KAT2B: variants seen among roughly 807,000 people sequenced by gnomAD.
KAT2B encodes lysine acetyltransferase 2B, also known as histone acetyltransferase KAT2B.
A neutral mutation model predicts 105.9 loss-of-function variants in KAT2B; 36 were observed. The ratio of observed to expected loss-of-function variants is 0.34; its 90% CI spans 0.26 to 0.45. The LOEUF is 0.45. Ranked by LOEUF, KAT2B falls within the 20% of genes least tolerant of loss-of-function variation. The pLI is 1.00. For synonymous variants in KAT2B, 397 were observed against 377.9 expected (o/e 1.05, Z -0.59); for missense variants, 820 against 1,021.6 (o/e 0.80, Z 2.69).
At chr3:20,077,647 TATTATTAAA>T (rs1158052197) in intron 2 of KAT2B, among the ~76,000 whole-genome samples, 2 of 152,254 alleles carry the variant, frequency 1.3e-5, no homozygotes. Flanking sequence ...TGGGTTAATG[TATTATTAAA>T]ATTATTTCTA....
chr3:20,088,498 A>G (rs937757421), intron 2 of KAT2B, among the ~76,000 whole-genome samples: 1 of 152,224 alleles, frequency 6.6e-6, no homozygotes, highest in Non-Finnish European at 1.5e-5. Context: ...TTCTCTGATT[A>G]GTGATGTTGA....
intron 6 of KAT2B, 132 bp downstream of exon 6, chr3:20,111,919 C>T: frequency 2.9e-6 from 2 of 698,144 alleles, no homozygotes; most frequent in South Asian, 3.9e-5. Context: ...GAGAAAAGAC[C>T]CTCAGTTCCC....
At chr3:20,065,021 G>A (rs1446685477) in intron 1 of KAT2B, among the ~76,000 whole-genome samples, 1 of 152,176 alleles carries the variant, frequency 6.6e-6, no homozygotes, top group South Asian at 2.1e-4. Flanking sequence ...AATCTGGGTT[G>A]TGACTACTTG....
At chr3:20,057,589 T>C (rs908706622) in intron 1 of KAT2B, among the ~76,000 whole-genome samples, 1 of 152,226 alleles carries the variant, frequency 6.6e-6, no homozygotes, top group African/African-American at 2.4e-5. Flanking sequence ...CTCTGGCATT[T>C]TGACAGATAA....
In KAT2B at chr3:20,140,390, C is replaced by T. The variant is rs182477373; in HGVS notation, c.2004+26C>T. ...GTAAGCAGGTGGTTGACTCCCTTAC[C>T]TTCTGTACAGGCCAGTCTTAGCTGG... On this transcript the variant is annotated intron_variant, in intron 13 of 17. Transcript: ENST00000263754. 9.2e-5 allele frequency: 148 copies of T among 1,612,154 alleles called. No homozygotes were observed. The African/African-American group carries it at 1.8e-3, about 19-fold the overall frequency.
intron 1 of KAT2B, among the ~76,000 whole-genome samples, chr3:20,064,633 T>G (rs568665407): frequency 6.6e-6 from 1 of 152,264 alleles, no homozygotes; most frequent in South Asian, 2.1e-4. Flanking sequence ...ATCTGCAGGG[T>G]AGAATGAGTA....
At position 20,129,968 on chromosome 3, in the gene KAT2B, T is replaced by A. The variant is rs547247124; in HGVS notation, c.1749+2419T>A. Among the ~76,000 whole-genome samples, 342 of 148,876 alleles carry A rather than the reference T, an allele frequency of 2.3e-3. 1 individual carries two copies. Among genetic ancestry groups the A allele is most frequent in the African/African-American group, 7.3e-3 (298 of 40,872 alleles). The stretch of plus-strand genomic sequence containing the variant: ...CTCTCTGGTCACAGTACCCATTTTT[T>A]AAAATTATTATTATTATTATTATTA... On this transcript the variant is annotated intron_variant, in intron 11 of 17. Transcript: ENST00000263754.
chr3:20,108,179 G>T (rs1477780887), intron 5 of KAT2B, among the ~76,000 whole-genome samples: 1 of 152,126 alleles, frequency 6.6e-6, no homozygotes, highest in Admixed American at 6.6e-5. Context: ...ACTAAATGGA[G>T]TCCTACTAGA....
rs1398997308 is a variant in KAT2B at position 20,153,892 on chromosome 3, G to A, written c.*1367G>A. 2.0e-5 allele frequency: 3 copies of A among 152,404 alleles called. No homozygotes were observed. Among genetic ancestry groups the A allele is most frequent in the Non-Finnish European group, 4.4e-5 (3 of 68,022 alleles). The allele number at this position is 152,404 out of a possible 1,614,324, so 9.4% of individuals were successfully genotyped here. A position where few individuals can be genotyped will look rare whatever the true frequency, so the allele number is the denominator to read the frequency against. Reference sequence around the variant, plus strand: ...GAATAGTCATTAAAAACAGTTGCCAGTGATAATCTGCATGAAGGAAAAAGA... The same window carrying A: ...GAATAGTCATTAAAAACAGTTGCCAATGATAATCTGCATGAAGGAAAAAGA... On this transcript the variant is annotated 3_prime_UTR_variant, in exon 18 of 18. Coordinates refer to ENST00000263754, the MANE Select transcript of KAT2B (RefSeq NM_003884.5).
At chr3:20,065,027 A>G (rs1048672797) in intron 1 of KAT2B, among the ~76,000 whole-genome samples, 15 of 152,078 alleles carry the variant, frequency 9.9e-5, no homozygotes, top group Admixed American at 6.6e-4. Context: ...GGTTGTGACT[A>G]CTTGTTTATC....
rs569077645 is a variant in KAT2B, at chr3:20,147,102, A to G, written c.2119+672A>G. On this transcript the variant is annotated intron_variant, in intron 14 of 17. Transcript: ENST00000263754. Reference sequence around the variant, plus strand: ...CAAAAGCCATTGAATATCATTGGCAATTTTGTTCAGTTCAAATCCAGGTTC... The same window carrying G: ...CAAAAGCCATTGAATATCATTGGCAGTTTTGTTCAGTTCAAATCCAGGTTC... Among the ~76,000 whole-genome samples the G allele has an allele frequency of 2.6e-3, 399 of 152,322 alleles. 4 individuals are homozygous for G. The highest frequency in any genetic ancestry group is 1.0e-3 in the Non-Finnish European group (69 of 68,020).
At chr3:20,128,956 A>C (rs1052751565) in intron 11 of KAT2B, among the ~76,000 whole-genome samples, 4 of 150,164 alleles carry the variant, frequency 2.7e-5, no homozygotes, top group African/African-American at 7.3e-5. Flanking sequence ...GCAGTGAGCC[A>C]AGATCACAGC....
chr3:20,147,175 T>A (rs1699795487), intron 14 of KAT2B, among the ~76,000 whole-genome samples: 2 of 152,270 alleles, frequency 1.3e-5, no homozygotes, highest in South Asian at 2.1e-4. Context: ...CAAGCAAAAA[T>A]TTTCCAGAAA....
chr3:20,090,773 C>T (rs1698703236), intron 2 of KAT2B, among the ~76,000 whole-genome samples: 1 of 151,990 alleles, frequency 6.6e-6, no homozygotes. Context: ...TTCACTTTGT[C>T]ATAAAGGCTG....
chr3:20,051,111 G>A (rs1286006957), intron 1 of KAT2B, among the ~76,000 whole-genome samples: 1 of 150,106 alleles, frequency 6.7e-6, no homozygotes, highest in African/African-American at 2.5e-5. Flanking sequence ...GAGGCATGAG[G>A]ATGGCTTGAA....
chr3:20,087,484 C>G (rs888792141), intron 2 of KAT2B, among the ~76,000 whole-genome samples: 1 of 152,026 alleles, frequency 6.6e-6, no homozygotes, highest in African/African-American at 2.4e-5. Context: ...ATATCTATCA[C>G]CTCACATACT....
intron 1 of KAT2B, among the ~76,000 whole-genome samples, chr3:20,047,439 T>G (rs1697832730): frequency 6.6e-6 from 1 of 152,120 alleles, no homozygotes; most frequent in African/African-American, 2.4e-5. Flanking sequence ...TCGTGAATCA[T>G]GGGCATATAT....
At chr3:20,075,042 G>A (rs1171324177) in intron 2 of KAT2B, among the ~76,000 whole-genome samples, 1 of 152,150 alleles carries the variant, frequency 6.6e-6, no homozygotes, top group Non-Finnish European at 1.5e-5. Context: ...GAGGCTGGCA[G>A]ATCACAAGGT....
At chr3:20,062,575 C>T (rs1698157088) in intron 1 of KAT2B, among the ~76,000 whole-genome samples, 1 of 150,318 alleles carries the variant, frequency 6.7e-6, no homozygotes, top group Non-Finnish European at 1.5e-5. Context: ...GATTCTCTTG[C>T]CTCAGCTTCC....
Sources: allele counts gnomAD v4.1 joint callset (sites outside exome capture counted in the v4.1 genomes callset), GRCh38; gene constraint gnomAD v4.1.1; transcripts MANE v1.5; gene names NCBI Gene and HGNC (gene_info 2026-07-23, HGNC 2026-07-21).